Variants in CALN1 observed in about 807,000 individuals in gnomAD.
CALN1 encodes the protein calneuron 1.
A neutral mutation model predicts 30.6 loss-of-function variants in CALN1; 17 were observed. That is an observed-to-expected ratio of 0.56 (90% CI 0.38 to 0.83). CALN1 has a LOEUF of 0.83. Among genes scored for constraint, CALN1 ranks in the 40% least tolerant of loss-of-function variants. CALN1 has a pLI of 0.00. For synonymous variants in CALN1, 156 were observed against 131.4 expected (o/e 1.19, Z -1.28); for missense variants, 291 against 354.9 (o/e 0.82, Z 1.45).
intron 2 of CALN1, among the ~76,000 whole-genome samples, chr7:72,396,533 G>A (rs1805970709): frequency 6.6e-6 from 1 of 152,124 alleles, no homozygotes; most frequent in Non-Finnish European, 1.5e-5. Flanking sequence ...TATAATTGAT[G>A]GAATAAGGTC....
intron 2 of CALN1, among the ~76,000 whole-genome samples, chr7:72,390,571 T>C (rs190094724): frequency 2.0e-5 from 3 of 152,332 alleles, no homozygotes; most frequent in Admixed American, 2.0e-4. Flanking sequence ...TATACCTTTA[T>C]TTCCATTATC....
chr7:72,185,802 C>G (rs1361266953), intron 3 of CALN1, among the ~76,000 whole-genome samples: 1 of 152,224 alleles, frequency 6.6e-6, no homozygotes, highest in African/African-American at 2.4e-5. Flanking sequence ...CTTCCTCATT[C>G]TCTCTTTGCC....
At chr7:72,226,071 G>A (rs1562765002) in intron 3 of CALN1, among the ~76,000 whole-genome samples, 4 of 147,420 alleles carry the variant, frequency 2.7e-5, no homozygotes, top group Non-Finnish European at 6.0e-5. Context: ...ACTCCAGCCT[G>A]GTGACAGAGC....
intron 5 of CALN1, among the ~76,000 whole-genome samples, chr7:71,995,043 G>A (rs772710346): frequency 6.6e-6 from 1 of 152,054 alleles, no homozygotes; most frequent in Non-Finnish European, 1.5e-5. Flanking sequence ...CAGTAGAGAC[G>A]GGGTTTCACC....
chr7:72,288,524 C>G (rs1322913780), intron 2 of CALN1, among the ~76,000 whole-genome samples: 2 of 152,124 alleles, frequency 1.3e-5, no homozygotes, highest in East Asian at 3.9e-4. Context: ...AATGGAGTAT[C>G]AGATAATTTT....
At chr7:71,929,945 C>CGATT (rs1206024236) in intron 5 of CALN1, among the ~76,000 whole-genome samples, 1 of 152,140 alleles carries the variant, frequency 6.6e-6, no homozygotes, top group Non-Finnish European at 1.5e-5. Flanking sequence ...TCATGGATAC[C>CGATT]AAAATCCACG....
At chr7:72,471,637 C>T in the CALN1 span, among the ~76,000 whole-genome samples, 1 of 152,238 alleles carries the variant, frequency 6.6e-6, no homozygotes, top group East Asian at 1.9e-4. Flanking sequence ...TGCCTGCCTT[C>T]AGCCGCAAGG....
chr7:72,380,566 G>A (rs1804827872), intron 2 of CALN1, among the ~76,000 whole-genome samples: 3 of 152,284 alleles, frequency 2.0e-5, no homozygotes, highest in Admixed American at 6.5e-5. Flanking sequence ...TCATTTACCT[G>A]GGCGGTGACC....
At chr7:72,443,746 G>A (rs1327819794) in intron 1 of CALN1, among the ~76,000 whole-genome samples, 1 of 151,926 alleles carries the variant, frequency 6.6e-6, no homozygotes, top group Non-Finnish European at 1.5e-5. Context: ...ACAGGGGGCA[G>A]CCAATCTCAC....
chr7:72,374,825 C>G (rs933046184), intron 2 of CALN1, among the ~76,000 whole-genome samples: 1 of 152,058 alleles, frequency 6.6e-6, no homozygotes, highest in Non-Finnish European at 1.5e-5. Context: ...AAATTATTAC[C>G]ACATATTTTG....
rs866948651 is a variant in CALN1, at chr7:72,211,204, C to G, written c.244+67482G>C. ...GCCCCAACCTGACCCTTTCCCACCT[C>G]TCCAGACCTCAGTCTCTGCACCTCT... On this transcript the variant is annotated intron_variant, in intron 3 of 6. Coordinates refer to ENST00000395275, the MANE Select transcript of CALN1 (RefSeq NM_031468.4). Among the ~76,000 whole-genome samples, 3 of 152,170 alleles carry G rather than the reference C, an allele frequency of 2.0e-5. No individual in the cohort carries two copies. The South Asian group carries it at 6.2e-4, about 32-fold the overall frequency.
chr7:72,403,194 C>A (rs115746057), intron 2 of CALN1, 57 bp downstream of exon 2: 13 of 1,411,692 alleles, frequency 9.2e-6, no homozygotes, highest in African/African-American at 4.3e-5. Flanking sequence ...CGCGCCACCC[C>A]CTACCTGAGG....
intron 3 of CALN1, among the ~76,000 whole-genome samples, chr7:72,184,534 G>C (rs998814284): frequency 5.9e-5 from 9 of 152,244 alleles, no homozygotes; most frequent in South Asian, 2.1e-4. Flanking sequence ...GAAGCACTCA[G>C]TAGTGGTTGG....
intron 5 of CALN1, among the ~76,000 whole-genome samples, chr7:71,827,503 G>A (rs1365074537): frequency 6.6e-6 from 1 of 152,156 alleles, no homozygotes; most frequent in Non-Finnish European, 1.5e-5. Context: ...GGGCATGGTG[G>A]CTCACGCCTG....
At chr7:72,287,596 G>A (rs1440156617) in intron 2 of CALN1, among the ~76,000 whole-genome samples, 10 of 151,760 alleles carry the variant, frequency 6.6e-5, no homozygotes, top group South Asian at 2.1e-4. Flanking sequence ...ACTGGCGCCC[G>A]CCACGACGCA....
At chr7:72,087,903 C>T (rs1157070875) in intron 4 of CALN1, among the ~76,000 whole-genome samples, 2 of 152,162 alleles carry the variant, frequency 1.3e-5, no homozygotes, top group African/African-American at 4.8e-5. Context: ...TGGTGCACGC[C>T]TGTAATCCCA....
At chr7:71,788,715 T>C (rs1793133933) in intron 6 of CALN1, among the ~76,000 whole-genome samples, 4 of 151,994 alleles carry the variant, frequency 2.6e-5, no homozygotes, top group African/African-American at 9.7e-5. Context: ...TGGAGTGCAG[T>C]GGCATGATCT....
At chr7:72,245,769 T>A (rs143170715) in intron 3 of CALN1, among the ~76,000 whole-genome samples, 32 of 152,324 alleles carry the variant, frequency 2.1e-4, no homozygotes, top group African/African-American at 7.2e-4. Flanking sequence ...CCAAAGCCCA[T>A]GGTCTTTCTT....
chr7:72,353,005 C>A (rs769072029), intron 2 of CALN1, among the ~76,000 whole-genome samples: 1 of 152,062 alleles, frequency 6.6e-6, no homozygotes, highest in African/African-American at 2.4e-5. Context: ...GAGAAAAATT[C>A]TTTTAAGAAA....
Sources: gnomAD v4.1 joint callset for allele counts (sites outside exome capture counted in the v4.1 genomes callset) on GRCh38, gnomAD v4.1.1 for gene constraint, MANE v1.5 for transcripts, NCBI Gene and HGNC (gene_info 2026-07-23, HGNC 2026-07-21) for gene names.